RMDN2: variants seen among roughly 807,000 people sequenced by gnomAD.
RMDN2 encodes regulator of microtubule dynamics protein 2.
In RMDN2, 61 loss-of-function variants were observed where a neutral mutation model predicts 52.8. That is an observed-to-expected ratio of 1.16 (90% CI 0.94 to 1.43). The LOEUF (loss-of-function observed/expected upper bound fraction) is 1.43, where lower values mean the gene tolerates loss of function less well. RMDN2 is among the 40% of genes most tolerant of loss of function. The probability of loss-of-function intolerance (pLI) is 0.00; values close to 1 mark genes in which losing one functional copy is unlikely to be tolerated. For missense variants in RMDN2, 592 were observed against 475.3 expected, an observed-to-expected ratio of 1.25 and a Z score of -2.28; for synonymous variants, 180 against 153.1, an observed-to-expected ratio of 1.18 and a Z score of -1.30.
intron 10 of RMDN2, among the ~76,000 whole-genome samples, chr2:38,042,908 T>C (rs1220301456): frequency 6.6e-6 from 1 of 152,232 alleles, no homozygotes; most frequent in Admixed American, 6.5e-5. Flanking sequence ...GTATATTTTA[T>C]GGCCTAGAGT....
chr2:38,052,378 G>A (rs1471693988), intron 10 of RMDN2, among the ~76,000 whole-genome samples: 3 of 151,952 alleles, frequency 2.0e-5, no homozygotes, highest in African/African-American at 7.3e-5. Context: ...ATTATTTGGT[G>A]GTTTTCTTTC....
At chr2:37,932,875 C>A (rs867453151) in intron 2 of RMDN2, among the ~76,000 whole-genome samples, 3 of 145,122 alleles carry the variant, frequency 2.1e-5, no homozygotes, top group South Asian at 4.4e-4. Context: ...CTGACCCCCC[C>A]ACCTCCCTCC....
chr2:37,961,361 A>T (rs892916682), intron 2 of RMDN2, among the ~76,000 whole-genome samples: 2 of 151,884 alleles, frequency 1.3e-5, no homozygotes, highest in Admixed American at 1.3e-4. Flanking sequence ...ACATAGTCCC[A>T]TATTTCTTGG....
chr2:37,935,742 A>G (rs1239713458), intron 2 of RMDN2, among the ~76,000 whole-genome samples: 2 of 152,162 alleles, frequency 1.3e-5, no homozygotes, highest in Non-Finnish European at 2.9e-5. Context: ...ACATTTTGTA[A>G]CATGTTTTGC....
At chr2:38,013,748 T>C (rs1450840890) in intron 10 of RMDN2, among the ~76,000 whole-genome samples, 5 of 152,244 alleles carry the variant, frequency 3.3e-5, no homozygotes, top group East Asian at 1.9e-4. Flanking sequence ...ATAGAAATGC[T>C]ACAGCTCAGG....
chr2:37,934,993 T>G (rs1036246016), intron 2 of RMDN2, among the ~76,000 whole-genome samples: 1 of 152,216 alleles, frequency 6.6e-6, no homozygotes, highest in Non-Finnish European at 1.5e-5. Context: ...CTGTGGGCTT[T>G]AGGAAGAATA....
At chr2:37,970,663 G>C (rs1057358607) in intron 2 of RMDN2, among the ~76,000 whole-genome samples, 1 of 152,148 alleles carries the variant, frequency 6.6e-6, no homozygotes, top group African/African-American at 2.4e-5. Context: ...GTGCATGGGA[G>C]AGACAGAATT....
intron 10 of RMDN2, among the ~76,000 whole-genome samples, chr2:38,013,245 G>A (rs139725067): frequency 6.6e-6 from 1 of 152,316 alleles, no homozygotes; most frequent in African/African-American, 2.4e-5. Flanking sequence ...CAGTATTAAA[G>A]TTCATCAACG....
At chr2:38,064,326 C>T (rs1490532159) in intron 10 of RMDN2, among the ~76,000 whole-genome samples, 1 of 151,954 alleles carries the variant, frequency 6.6e-6, no homozygotes, top group Admixed American at 6.6e-5. Flanking sequence ...CTCGTGTCTA[C>T]TAAAAATACA....
chr2:38,013,749 A>C (rs1558553315), intron 10 of RMDN2, among the ~76,000 whole-genome samples: 1 of 152,222 alleles, frequency 6.6e-6, no homozygotes, highest in African/African-American at 2.4e-5. Context: ...TAGAAATGCT[A>C]CAGCTCAGGG....
At chr2:37,928,174 C>T (rs1415614762) in intron 1 of RMDN2, among the ~76,000 whole-genome samples, 1 of 152,172 alleles carries the variant, frequency 6.6e-6, no homozygotes, top group African/African-American at 2.4e-5. Context: ...AAGTGTAGAA[C>T]ATCCAAACAG....
Position 37,974,063 on chromosome 2 carries a change from C to G in RMDN2, c.476C>G (p.Thr159Arg). 4 of 1,610,288 alleles carry G rather than the reference C, an allele frequency of 2.5e-6. No individual in the cohort carries two copies. The East Asian group carries it at 6.7e-5, about 27-fold the overall frequency. Residue 159 changes from threonine to arginine, a missense_variant, in exon 3 of 11, where the codon ACA (threonine) becomes AGA (arginine). Coordinates refer to ENST00000354545, the MANE Select transcript of RMDN2 (RefSeq NM_001170791.3). ...EGGYITANTD[T>R]EEQSFPVPKA... ...AGGTATATTACAGCTAATACTGACACAGAAGAACAGAGTTTTCCAGTCCCT... is the reference window on the plus strand; with the variant it reads ...AGGTATATTACAGCTAATACTGACAGAGAAGAACAGAGTTTTCCAGTCCCT...
At chr2:38,045,425 C>G (rs1451755795) in intron 10 of RMDN2, among the ~76,000 whole-genome samples, 2 of 152,150 alleles carry the variant, frequency 1.3e-5, no homozygotes, top group East Asian at 1.9e-4. Context: ...TTTATAAATT[C>G]TATGCATATG....
In RMDN2 at chr2:37,974,099, A is replaced by G; in HGVS notation, c.512A>G (p.Asn171Ser). 1 of 1,613,282 alleles carries G rather than the reference A, an allele frequency of 6.2e-7. No homozygotes were observed. The highest frequency in any genetic ancestry group is 8.5e-7 in the Non-Finnish European group (1 of 1,179,376). ...EQSFPVPKAF[N>S]TRVEELNLDV... ...AGTTTTCCAGTCCCTAAGGCATTTA[A>G]CACACGTGTAGAGGAATTAAATTTA... The change falls in exon 3 of 11, where the codon AAC becomes AGC. Residue 171 changes from asparagine (N) to serine (S), a missense_variant. Coordinates refer to ENST00000354545, the MANE Select transcript of RMDN2 (RefSeq NM_001170791.3).
At chr2:37,945,319 C>G (rs1035231516) in intron 2 of RMDN2, among the ~76,000 whole-genome samples, 16 of 152,218 alleles carry the variant, frequency 1.1e-4, no homozygotes, top group African/African-American at 3.6e-4. Flanking sequence ...CCACTATGAA[C>G]TATACTCTTG....
At chr2:37,996,588 CAAAAAAAA>C (rs1186116651) in intron 7 of RMDN2, among the ~76,000 whole-genome samples, 1 of 110,068 alleles carries the variant, frequency 9.1e-6, no homozygotes, top group Non-Finnish European at 2.2e-5. Flanking sequence ...GAGACATTGC[CAAAAAAAA>C]AAAAGAAAAA....
intron 5 of RMDN2, among the ~76,000 whole-genome samples, chr2:37,988,850 G>C (rs1674386732): frequency 1.3e-5 from 2 of 152,008 alleles, no homozygotes; most frequent in South Asian, 2.1e-4. Context: ...AACAAATATT[G>C]CATGCAACTT....
chr2:37,924,693 A>C (rs1200706900), upstream of RMDN2, among the ~76,000 whole-genome samples: 1 of 152,238 alleles, frequency 6.6e-6, no homozygotes, highest in Non-Finnish European at 1.5e-5. Context: ...ATTTAGCAGA[A>C]TTAGTTTCAT....
intron 2 of RMDN2, chr2:37,951,550 C>G: frequency 1.2e-6 from 2 of 1,612,690 alleles, no homozygotes; most frequent in Non-Finnish European, 1.7e-6. Context: ...GATATAAAAT[C>G]TTCCTCAGAC....
Sources: gnomAD v4.1 joint callset for allele counts (sites outside exome capture counted in the v4.1 genomes callset) on GRCh38, gnomAD v4.1.1 for gene constraint, MANE v1.5 for transcripts, NCBI Gene and HGNC (gene_info 2026-07-23, HGNC 2026-07-21) for gene names.